Variants in PDE1B observed in about 807,000 individuals in gnomAD.
PDE1B encodes the protein dual specificity calcium/calmodulin-dependent 3',5'-cyclic nucleotide phosphodiesterase 1B.
A neutral mutation model predicts 66.7 loss-of-function variants in PDE1B; 13 were observed. The ratio of observed to expected loss-of-function variants is 0.19; its 90% CI spans 0.13 to 0.31. The LOEUF is 0.31. Among genes scored for constraint, PDE1B ranks in the 10% least tolerant of loss-of-function variants. The probability of loss-of-function intolerance (pLI) is 1.00; values close to 1 mark genes in which losing one functional copy is unlikely to be tolerated. For synonymous variants in PDE1B, 230 were observed against 253.9 expected (o/e 0.91, Z 0.90); for missense variants, 485 against 682.3 (o/e 0.71, Z 3.22).
At chr12:54,550,873 A>G (rs1266664082) in intron 2 of PDE1B, among the ~76,000 whole-genome samples, 6 of 152,050 alleles carry the variant, frequency 3.9e-5, no homozygotes, top group Non-Finnish European at 1.5e-5. Context: ...GCTCCTTAGA[A>G]AAAAAAGAGG....
Position 54,579,039 on chromosome 12 carries a change from C to A in PDE1B, c.*1197C>A, listed in dbSNP as rs993290573. The A allele has an allele frequency of 3.8e-5, 6 of 159,934 alleles. No individual in the cohort carries two copies. The highest frequency in any genetic ancestry group is 1.4e-4 in the African/African-American group (6 of 41,552). 9.9% of individuals were successfully genotyped at this position (159,934 alleles called of 1,614,324 possible). ...CAAAGTCCAGGTGACTGCCCTCCTT[C>A]TTTCTTGTAAATACCAACCATGCAT... is the stretch of plus-strand genomic sequence containing the variant. On this transcript the variant is annotated 3_prime_UTR_variant, in exon 16 of 16. Transcript: ENST00000243052.
At chr12:54,554,369 C>T (rs1341618693) in intron 2 of PDE1B, 1 of 152,180 alleles carries the variant, frequency 6.6e-6, no homozygotes, top group Non-Finnish European at 1.5e-5. Context: ...TCATTTTTCT[C>T]ATGCCTTGGT....
chr12:54,570,386 G>C, intron 6 of PDE1B, 29 bp downstream of exon 6: 1 of 1,262,770 alleles, frequency 7.9e-7, no homozygotes, highest in Non-Finnish European at 1.2e-6. Flanking sequence ...TCTACCTCCA[G>C]GCAGGATTCT....
intron 2 of PDE1B, among the ~76,000 whole-genome samples, chr12:54,563,713 A>G (rs956073696): frequency 2.6e-5 from 4 of 152,204 alleles, no homozygotes; most frequent in African/African-American, 9.6e-5. Context: ...TTAATGTATT[A>G]TATCACTTAA....
intron 15 of PDE1B, 46 bp downstream of exon 15, chr12:54,577,391 T>C (rs759050811): frequency 7.5e-6 from 12 of 1,609,324 alleles, no homozygotes; most frequent in African/African-American, 2.7e-5. Context: ...GTGTCTATCA[T>C]GGCATCTTTG....
intron 13 of PDE1B, 132 bp from the exon 14 acceptor site, chr12:54,576,439 G>A: frequency 9.8e-7 from 1 of 1,018,482 alleles, no homozygotes; most frequent in South Asian, 1.6e-5. Context: ...GGAATATCTA[G>A]TAGAGGAAAA....
At chr12:54,570,427 C>G (rs576940620) in intron 6 of PDE1B, 70 bp downstream of exon 6, 1 of 882,372 alleles carries the variant, frequency 1.1e-6, no homozygotes, top group South Asian at 1.3e-5. Context: ...CTAAAAGCCT[C>G]CCAACAAACA....
chr12:54,565,789 C>T (rs900812146), intron 2 of PDE1B, among the ~76,000 whole-genome samples: 1 of 152,148 alleles, frequency 6.6e-6, no homozygotes, highest in Non-Finnish European at 1.5e-5. Flanking sequence ...CCAAAGCTGC[C>T]GAGACCCCGG....
rs1428228112 is a variant in PDE1B at position 54,577,284 on chromosome 12, T to A, written c.1567T>A (p.Ser523Thr). Residue 523 changes from serine to threonine, a missense_variant, in exon 15 of 16, where the codon TCC becomes ACC. Physicochemically the swap from Ser to Thr is moderately conservative, Grantham distance 58. This residue lies in a region of PDE1B where 126 missense variants were observed against 133.8 expected (regional missense o/e 0.94). Transcript: ENST00000243052. Reference sequence around the variant, plus strand: ...CCCCTGTGAAGAAGAGGCCCCCCCATCCCCTGCCGAAGATGAACACAACCA... The same window carrying A: ...CCCCTGTGAAGAAGAGGCCCCCCCAACCCCTGCCGAAGATGAACACAACCA... ...LSPCEEEAPP[S>T]PAEDEHNQNG... 6.2e-7 allele frequency: 1 copy of A among 1,612,684 alleles called. No homozygotes were observed. The highest frequency in any genetic ancestry group is 1.3e-5 in the African/African-American group (1 of 74,698).
At chr12:54,576,894 G>A (rs546043711) in intron 14 of PDE1B, 193 bp downstream of exon 14, 24 of 637,924 alleles carry the variant, frequency 3.8e-5, no homozygotes, top group Admixed American at 5.6e-5. Flanking sequence ...AATGGGGGCC[G>A]TAGAGATGAT....
chr12:54,558,470 C>G (rs953715342), intron 2 of PDE1B, among the ~76,000 whole-genome samples: 3 of 152,100 alleles, frequency 2.0e-5, no homozygotes, highest in Non-Finnish European at 4.4e-5. Flanking sequence ...ATCTGTGGAG[C>G]CACCCCCGCC....
chr12:54,558,727 CA>C (rs912033719), intron 2 of PDE1B, among the ~76,000 whole-genome samples: 2 of 152,194 alleles, frequency 1.3e-5, no homozygotes, highest in African/African-American at 4.8e-5. Flanking sequence ...AGAGCTTTCC[CA>C]CCAATATCCA....
chr12:54,550,028 G>T, intron 2 of PDE1B, 43 bp downstream of exon 2: 1 of 1,600,164 alleles, frequency 6.2e-7, no homozygotes, highest in Non-Finnish European at 8.5e-7. Flanking sequence ...ACCTTAGGGA[G>T]CCTGAGCGGG....
Position 54,575,477 on chromosome 12 carries a change from C to T in PDE1B, c.1186-74C>T. 1 of 1,069,996 alleles carries T rather than the reference C, an allele frequency of 9.3e-7. No homozygotes were observed. Among genetic ancestry groups the T allele is most frequent in the South Asian group, 1.2e-5 (1 of 80,026 alleles). The allele number at this position is 1,069,996 out of a possible 1,614,324, so 66.3% of individuals were successfully genotyped here. ...ACACAACAACCCCCCACCCCCACCA[C>T]TTGCCACCTGTACCCCAGATCTGGT... On this transcript the variant is annotated intron_variant, in intron 11 of 15. Coordinates refer to ENST00000243052, the MANE Select transcript of PDE1B (RefSeq NM_000924.4). The surrounding 1 kb of genome is among the most constrained non-coding windows in gnomAD (Gnocchi z 4.0).
chr12:54,574,697 G>C (rs1249948), intron 10 of PDE1B: 1 of 170,470 alleles, frequency 5.9e-6, no homozygotes, highest in African/African-American at 2.4e-5. Context: ...GAGGCCGGGC[G>C]TGGTGGCTCA....
At chr12:54,557,058 G>A (rs1281523354) in intron 2 of PDE1B, among the ~76,000 whole-genome samples, 1 of 152,128 alleles carries the variant, frequency 6.6e-6, no homozygotes, top group East Asian at 1.9e-4. Context: ...TGCCCACCTT[G>A]TTTGGAAACT....
intron 3 of PDE1B, among the ~76,000 whole-genome samples, chr12:54,568,820 A>G (rs922601104): frequency 6.6e-6 from 1 of 152,174 alleles, no homozygotes; most frequent in Non-Finnish European, 1.5e-5. Flanking sequence ...CATTAAAGTC[A>G]ATTTCACCTA....
chr12:54,567,522 A>C (rs1957536802), intron 3 of PDE1B, among the ~76,000 whole-genome samples: 1 of 147,910 alleles, frequency 6.8e-6, no homozygotes, highest in African/African-American at 2.5e-5. Context: ...TAAATAAATA[A>C]ATAAATAAAA....
At chr12:54,556,210 A>G (rs1011097636) in intron 2 of PDE1B, among the ~76,000 whole-genome samples, 1 of 152,206 alleles carries the variant, frequency 6.6e-6, no homozygotes, top group East Asian at 1.9e-4. Context: ...AAACCAGGAC[A>G]GCAGGTGGGG....
Sources: gnomAD v4.1 joint callset for allele counts (sites outside exome capture counted in the v4.1 genomes callset) on GRCh38, gnomAD v4.1.1 for gene constraint, gnomAD v4.1.1 regional missense constraint, Gnocchi (gnomAD v3.1) non-coding constraint, MANE v1.5 for transcripts, NCBI Gene and HGNC (gene_info 2026-07-23, HGNC 2026-07-21) for gene names.